The following ZNF268 variants were observed in gnomAD, a reference collection of about 807,000 sequenced individuals.
ZNF268 encodes zinc finger protein 3.
ZNF268 carries 20 observed loss-of-function variants against 29.3 expected under a neutral mutation model. That is an observed-to-expected ratio of 0.68 (90% CI 0.48 to 0.99). The LOEUF (loss-of-function observed/expected upper bound fraction) is 0.99. Among genes scored for constraint, ZNF268 ranks in the 50% least tolerant of loss-of-function variants. The probability of loss-of-function intolerance (pLI) is 0.00; values close to 1 mark genes in which losing one functional copy is unlikely to be tolerated. For missense variants in ZNF268, 1,240 were observed against 1,121.6 expected, an observed-to-expected ratio of 1.11 and a Z score of -1.51; for synonymous variants, 429 against 376.9, an observed-to-expected ratio of 1.14 and a Z score of -1.60.
At chr12:133,187,082 A>G (rs1401392827) in intron 2 of ZNF268, among the ~76,000 whole-genome samples, 2 of 152,154 alleles carry the variant, frequency 1.3e-5, no homozygotes, top group Non-Finnish European at 2.9e-5. Flanking sequence ...TCAACCAGTT[A>G]TGTAGTTACA....
At chr12:133,195,284 A>G (rs1394729939) in intron 5 of ZNF268, among the ~76,000 whole-genome samples, 1 of 152,286 alleles carries the variant, frequency 6.6e-6, no homozygotes. Context: ...CTCTTGGTGT[A>G]TATTTGGGTT....
chr12:133,190,127 G>GT (rs1230370496), intron 3 of ZNF268, among the ~76,000 whole-genome samples: 2 of 152,130 alleles, frequency 1.3e-5, no homozygotes, highest in Non-Finnish European at 2.9e-5. Flanking sequence ...CTGTTTTTGA[G>GT]TAAGTTTGGT....
rs1284187235 is a variant in ZNF268 at position 133,211,242 on chromosome 12, A to C, written c.*6712A>C. Reference sequence around the variant, plus strand: ...AACCCTAAAATTGAACAAGAAGACAACCCAATTAAAAATGGGGACAGATCC... The same window carrying C: ...AACCCTAAAATTGAACAAGAAGACACCCCAATTAAAAATGGGGACAGATCC... On this transcript the variant is annotated 3_prime_UTR_variant, in exon 6 of 6. Coordinates refer to ENST00000536435, the MANE Select transcript of ZNF268 (RefSeq NM_003415.3). 2 of 354,946 alleles carry C rather than the reference A, an allele frequency of 5.6e-6. No homozygotes were observed. Among genetic ancestry groups the C allele is most frequent in the African/African-American group, 4.3e-5 (2 of 46,676 alleles). 22.0% of individuals were successfully genotyped at this position (354,946 alleles called of 1,614,324 possible). A position where few individuals can be genotyped will look rare whatever the true frequency, so the allele number is the denominator to read the frequency against.
chr12:133,196,896 T>C (rs1956614392), intron 5 of ZNF268, among the ~76,000 whole-genome samples: 1 of 152,010 alleles, frequency 6.6e-6, no homozygotes, highest in African/African-American at 2.4e-5. Flanking sequence ...ATAGGAAAAC[T>C]ACCTGCAGTT....
rs939213051 is a variant in ZNF268 at position 133,204,720 on chromosome 12, A to C, written c.*190A>C. The C allele has an allele frequency of 2.2e-6, 1 of 458,090 alleles. No homozygotes were observed. Among genetic ancestry groups the C allele is most frequent in the African/African-American group, 2.0e-5 (1 of 49,534 alleles). 28.4% of individuals were successfully genotyped at this position (458,090 alleles called of 1,614,324 possible). A position where few individuals can be genotyped will look rare whatever the true frequency, so the allele number is the denominator to read the frequency against. On this transcript the variant is annotated 3_prime_UTR_variant, in exon 6 of 6. Coordinates refer to ENST00000536435, the MANE Select transcript of ZNF268 (RefSeq NM_003415.3). ...CTTTACATGCAAAAAGATAGTAGACAATACACAGGAAAACTGAATTTAGTA... is the reference window on the plus strand; with the variant it reads ...CTTTACATGCAAAAAGATAGTAGACCATACACAGGAAAACTGAATTTAGTA...
intron 2 of ZNF268, among the ~76,000 whole-genome samples, chr12:133,183,877 GAC>G (rs1241183197): frequency 6.6e-6 from 1 of 152,150 alleles, no homozygotes; most frequent in Non-Finnish European, 1.5e-5. Flanking sequence ...ACAAAATAGA[GAC>G]ATGTAATTCA....
chr12:133,183,807 TGACAA>T (rs1458160556), intron 2 of ZNF268, among the ~76,000 whole-genome samples: 4 of 151,884 alleles, frequency 2.6e-5, no homozygotes, highest in Admixed American at 1.3e-4. Context: ...GTCAGGGAAA[TGACAA>T]GAGAAAGCAG....
chr12:133,202,537 C>T lies in ZNF268; in HGVS notation c.851C>T (p.Ala284Val). The T allele has an allele frequency of 6.2e-7, 1 of 1,611,638 alleles. No individual in the cohort carries two copies. The highest frequency in any genetic ancestry group is 8.5e-7 in the Non-Finnish European group (1 of 1,178,792). The change falls in exon 6 of 6, where the codon GCC (alanine) becomes GTC (valine). Residue 284 changes from alanine (A) to valine (V), a missense_variant. By Grantham distance (64) the Ala-to-Val change is moderately conservative (BLOSUM62 0). This residue lies in a region of ZNF268 where 1,177 missense variants were observed against 1,039.6 expected (regional missense o/e 1.13). Transcript: ENST00000536435. ...KPFGCSCCEK[A>V]FSSKSYLLVH... ...TTTGGATGCAGCTGTTGTGAGAAAG[C>T]CTTCAGCAGCAAGTCATACCTTCTA...
chr12:133,209,559 G>A lies in ZNF268; in HGVS notation c.*5029G>A, dbSNP rs1441420078. The A allele has an allele frequency of 3.3e-5, 5 of 152,160 alleles. No homozygotes were observed. Among genetic ancestry groups the A allele is most frequent in the African/African-American group, 1.2e-4 (5 of 41,438 alleles). The allele number at this position is 152,160 out of a possible 1,614,324, so 9.4% of individuals were successfully genotyped here. A position where few individuals can be genotyped will look rare whatever the true frequency, so the allele number is the denominator to read the frequency against. On this transcript the variant is annotated 3_prime_UTR_variant, in exon 6 of 6. Transcript: ENST00000536435. ...ATTAAAACATTAATAAAAAGGCTGG[G>A]CATGGTGGCTCATGCCTGTAATCTC...
intron 2 of ZNF268, among the ~76,000 whole-genome samples, chr12:133,183,089 C>G (rs1215988185): frequency 1.3e-5 from 2 of 152,156 alleles, no homozygotes; most frequent in Non-Finnish European, 2.9e-5. Flanking sequence ...ATCTAGGTTG[C>G]GCACTTCTTA....
rs1448986769 is a variant in ZNF268 at position 133,203,427 on chromosome 12, G to A, written c.1741G>A (p.Glu581Lys). 2 of 1,543,822 alleles carry A rather than the reference G, an allele frequency of 1.3e-6. No homozygotes were observed. The highest frequency in any genetic ancestry group is 8.7e-7 in the Non-Finnish European group (1 of 1,149,260). The change falls in exon 6 of 6, where the codon GAG (glutamate) becomes AAG (lysine). Residue 581 changes from glutamate to lysine, a missense_variant. Glu to Lys is a moderately conservative substitution (Grantham distance 56). This residue lies in a region of ZNF268 where 1,177 missense variants were observed against 1,039.6 expected (regional missense o/e 1.13). Coordinates refer to ENST00000536435, the MANE Select transcript of ZNF268 (RefSeq NM_003415.3). ...TTCACACCAGAGAACTCATGCAGGA[G>A]AGAAGCCTTATGAATGCACCGACTG... Reference protein sequence around the residue: ...LISHQRTHAGEKPYECTDCGK... With the variant: ...LISHQRTHAGKKPYECTDCGK...
Position 133,182,036 on chromosome 12 carries a change from T to C in ZNF268, c.33+6T>C. Reference sequence around the variant, plus strand: ...TCCGGACAGCTTCTATTTGGGTGAGTAGGGGTTTTCTTTCATTCTTGAAAA... The same window carrying C: ...TCCGGACAGCTTCTATTTGGGTGAGCAGGGGTTTTCTTTCATTCTTGAAAA... On this transcript the variant is annotated splice_donor_region_variant and intron_variant, in intron 2 of 5. Coordinates refer to ENST00000536435, the MANE Select transcript of ZNF268 (RefSeq NM_003415.3). The C allele has an allele frequency of 6.4e-7, 1 of 1,559,642 alleles. No individual in the cohort carries two copies. The highest frequency in any genetic ancestry group is 1.2e-5 in the South Asian group (1 of 84,426).
At chr12:133,189,497 G>C (rs902970676) in intron 3 of ZNF268, among the ~76,000 whole-genome samples, 3 of 152,168 alleles carry the variant, frequency 2.0e-5, no homozygotes, top group African/African-American at 7.2e-5. Context: ...ATACAGGTGT[G>C]AGCCACGGCA....
chr12:133,198,439 C>T (rs1331615379), intron 5 of ZNF268, among the ~76,000 whole-genome samples: 1 of 150,924 alleles, frequency 6.6e-6, no homozygotes, highest in Non-Finnish European at 1.5e-5. Context: ...TTACTGTAGC[C>T]TTGTAGTATA....
At chr12:133,201,891 T>G in intron 5 of ZNF268, among the ~76,000 whole-genome samples, 1 of 152,122 alleles carries the variant, frequency 6.6e-6, no homozygotes, top group East Asian at 1.9e-4. Flanking sequence ...TTACTATGCC[T>G]ATCTTCAGTT....
chr12:133,181,813 G>T, intron 1 of ZNF268, 127 bp downstream of exon 1: 1 of 641,730 alleles, frequency 1.6e-6, no homozygotes, highest in Non-Finnish European at 2.8e-6. Context: ...TGTGGAGATG[G>T]TGAATCCCGT....
chr12:133,198,205 T>C (rs1245509304), intron 5 of ZNF268, among the ~76,000 whole-genome samples: 3 of 148,114 alleles, frequency 2.0e-5, no homozygotes, highest in Non-Finnish European at 4.5e-5. Flanking sequence ...TTGAATTGAT[T>C]TTTGTATAAG....
rs1381248796 is a variant in ZNF268 at position 133,211,479 on chromosome 12, C to T, written c.*6949C>T. On this transcript the variant is annotated 3_prime_UTR_variant, in exon 6 of 6. Coordinates refer to ENST00000536435, the MANE Select transcript of ZNF268 (RefSeq NM_003415.3). The stretch of plus-strand genomic sequence containing the variant: ...CTCTGCCACCAAGTGGTAGCTACTC[C>T]GGAGGCGGAGGCAGGAGAATGGCTT... 3 of 167,462 alleles carry T rather than the reference C, an allele frequency of 1.8e-5. No individual in the cohort carries two copies. Among genetic ancestry groups the T allele is most frequent in the Admixed American group, 1.2e-4 (2 of 16,982 alleles). 10.4% of individuals were successfully genotyped at this position (167,462 alleles called of 1,614,324 possible).
At position 133,211,208 on chromosome 12, in the gene ZNF268, T is replaced by TA. The variant is rs1555305584; in HGVS notation, c.*6688dup. 26,567 of 273,702 alleles carry TA rather than the reference T, an allele frequency of 0.097. 2,424 individuals are homozygous for TA. Among genetic ancestry groups the TA allele is most frequent in the African/African-American group, 0.44 (14,772 of 33,418 alleles). The allele number at this position is 273,702 out of a possible 1,614,324, so 17.0% of individuals were successfully genotyped here. On this transcript the variant is annotated 3_prime_UTR_variant, in exon 6 of 6. Transcript: ENST00000536435. ...TGAAAAAGTGTTTGTATGCAAAATA[T>TA]AAAAAAAAAACCCTAAAATTGAACA...
Sources: allele counts gnomAD v4.1 joint callset (sites outside exome capture counted in the v4.1 genomes callset), GRCh38; gene constraint gnomAD v4.1.1; regional missense constraint gnomAD v4.1.1; transcripts MANE v1.5; gene names NCBI Gene and HGNC (gene_info 2026-07-23, HGNC 2026-07-21).